USP24: variants seen among roughly 807,000 people sequenced by gnomAD.
USP24 encodes ubiquitin specific peptidase 24.
A neutral mutation model predicts 361.6 loss-of-function variants in USP24; 97 were observed. That is an observed-to-expected ratio of 0.27 (90% confidence interval 0.23 to 0.32). The LOEUF is 0.32. Ranked by LOEUF, USP24 falls within the 10% of genes least tolerant of loss-of-function variation. USP24 has a pLI of 1.00. For synonymous variants in USP24, 1,098 were observed against 1,124.6 expected (o/e 0.98, Z 0.47); for missense variants, 2,353 against 3,165.6 (o/e 0.74, Z 6.16).
chr1:55,159,683 G>A lies in USP24; in HGVS notation c.996C>T (p.Pro332=). 1 of 1,555,696 alleles carries A rather than the reference G, an allele frequency of 6.4e-7. No homozygotes were observed. Among genetic ancestry groups the A allele is most frequent in the Non-Finnish European group, 8.7e-7 (1 of 1,148,296 alleles). ...AEYLNSSVVQ[P]MLDPVILTTI... ...TAGTAAGAATGACTGGGTCTAGCAT[G>A]GGCTGTAGAAATAAAATGCTACAGT... Residue 332 remains proline (P), a splice_region_variant and synonymous_variant, in exon 9 of 68, where the codon CCC becomes CCT. Transcript: ENST00000294383.
Position 55,153,930 on chromosome 1 carries a change from T to C in USP24, c.1813-13A>G. 4 of 1,550,726 alleles carry C rather than the reference T, an allele frequency of 2.6e-6. No homozygotes were observed. Among genetic ancestry groups the C allele is most frequent in the Non-Finnish European group, 3.5e-6 (4 of 1,146,602 alleles). On this transcript the variant is annotated splice_polypyrimidine_tract_variant and intron_variant, in intron 15 of 67. Transcript: ENST00000294383. ...ACCATTCTCCAGGCTGAAAATTCATTTTAAGAGAAATATAAGTGACTTGGT... is the reference window on the plus strand; with the variant it reads ...ACCATTCTCCAGGCTGAAAATTCATCTTAAGAGAAATATAAGTGACTTGGT...
At chr1:55,095,757 G>C (rs1645483053) in intron 50 of USP24, among the ~76,000 whole-genome samples, 1 of 152,172 alleles carries the variant, frequency 6.6e-6, no homozygotes, top group Admixed American at 6.5e-5. Context: ...GGGATAACTG[G>C]CCTCACTTAA....
At chr1:55,121,531 G>T in intron 36 of USP24, 25 bp from the exon 37 acceptor site, 1 of 1,600,712 alleles carries the variant, frequency 6.2e-7, no homozygotes, top group Non-Finnish European at 8.5e-7. Context: ...TGGGGGATGT[G>T]GGTGTGTGAA....
intron 3 of USP24, among the ~76,000 whole-genome samples, chr1:55,175,589 A>G (rs1557671184): frequency 6.6e-6 from 1 of 152,174 alleles, no homozygotes; most frequent in Admixed American, 6.5e-5. Flanking sequence ...TTATTTACAT[A>G]TTGGACAAAA....
chr1:55,096,516 G>T lies in USP24; in HGVS notation c.6043C>A (p.Pro2015Thr). Residue 2015 changes from proline (P) to threonine (T), a missense_variant, in exon 50 of 68, where the codon CCA becomes ACA. Around this residue, in one of 8 missense-constraint regions of USP24, gnomAD observed 598 missense variants for 761.9 expected, o/e 0.78. Transcript: ENST00000294383. ...EYECFGGEYRPKVYDQTNPYT... is the reference protein window; with the variant it reads ...EYECFGGEYRTKVYDQTNPYT... ...TACTTACTTTGATCATAAACTTTTGGTCTATATTCTCCTCCAAAGCATTCA... is the reference window on the plus strand; with the variant it reads ...TACTTACTTTGATCATAAACTTTTGTTCTATATTCTCCTCCAAAGCATTCA... 1 of 1,597,060 alleles carries T rather than the reference G, an allele frequency of 6.3e-7. No individual in the cohort carries two copies. Among genetic ancestry groups the T allele is most frequent in the Non-Finnish European group, 8.5e-7 (1 of 1,172,874 alleles).
At chr1:55,117,742 C>CAA (rs58149121) in intron 38 of USP24, among the ~76,000 whole-genome samples, 2,902 of 66,288 alleles carry the variant, frequency 0.044, 460 homozygotes, top group African/African-American at 0.15. Flanking sequence ...GACTCCGTCT[C>CAA]AAAAAAAAAA....
chr1:55,197,229 CTTAT>C (rs1405668199), intron 1 of USP24, among the ~76,000 whole-genome samples: 1 of 152,126 alleles, frequency 6.6e-6, no homozygotes, highest in African/African-American at 2.4e-5. Flanking sequence ...AAAAGCAGCC[CTTAT>C]CATACCCCCT....
chr1:55,120,235 C>T (rs570029744), intron 38 of USP24, among the ~76,000 whole-genome samples: 14 of 152,276 alleles, frequency 9.2e-5, no homozygotes, highest in Middle Eastern at 3.4e-3. Flanking sequence ...CCTCTAGACA[C>T]GGAGCTACAA....
chr1:55,172,494 C>T lies in USP24; in HGVS notation c.585G>A (p.Lys195=). The T allele has an allele frequency of 3.7e-6, 6 of 1,613,178 alleles. No individual in the cohort carries two copies. Among genetic ancestry groups the T allele is most frequent in the Non-Finnish European group, 5.1e-6 (6 of 1,179,504 alleles). The part of the protein sequence containing the change: ...KKLLTSSAVH[K]WGTEIHEGIY... ...TTCCTTCATGAATTTCAGTACCCCA[C>T]TTGTGAACAGCACTTGATGTCAGGA... Residue 195 remains lysine (K), a synonymous_variant, in exon 4 of 68, where the codon AAG becomes AAA. Coordinates refer to ENST00000294383, the MANE Select transcript of USP24 (RefSeq NM_015306.3).
At chr1:55,214,761 C>A in intron 1 of USP24, 29 bp downstream of exon 1, 1 of 1,208,892 alleles carries the variant, frequency 8.3e-7, no homozygotes, top group Non-Finnish European at 1.0e-6. Context: ...AGTGGCTTCC[C>A]ACAGAGGTCT....
intron 55 of USP24, among the ~76,000 whole-genome samples, chr1:55,089,152 C>T (rs1009883512): frequency 1.3e-5 from 2 of 152,116 alleles, no homozygotes; most frequent in Non-Finnish European, 2.9e-5. Context: ...ATGGTCTGCC[C>T]GCCGTGGCCT....
intron 35 of USP24, 108 bp downstream of exon 35, chr1:55,124,361 C>A: frequency 1.5e-6 from 2 of 1,327,120 alleles, no homozygotes; most frequent in Non-Finnish European, 2.0e-6. Flanking sequence ...TGCTCACAAG[C>A]AAGAGAAGAG....
chr1:55,180,333 C>T (rs1165238), intron 1 of USP24, among the ~76,000 whole-genome samples: 113,149 of 151,998 alleles, frequency 0.74, 43,403 homozygotes, highest in East Asian at 0.96. Flanking sequence ...TTGGGACACC[C>T]CCTCCTGCAA....
Position 55,204,778 on chromosome 1 carries a change from C to T in USP24, c.324+10012G>A, listed in dbSNP as rs143451915. ...CAGTGCCTAGCACACAATAAATTCT[C>T]AATAAAAACTTACTGAATGGTTATT... On this transcript the variant is annotated intron_variant, in intron 1 of 67. Transcript: ENST00000294383. Among the ~76,000 whole-genome samples, 1,185 of 152,302 alleles carry T rather than the reference C, an allele frequency of 7.8e-3. 17 individuals are homozygous for T. Among genetic ancestry groups the T allele is most frequent in the African/African-American group, 0.026 (1,078 of 41,562 alleles).
chr1:55,177,930 CA>C (rs1320916930), intron 2 of USP24, 36 bp downstream of exon 2: 36 of 1,531,534 alleles, frequency 2.4e-5, no homozygotes, highest in Non-Finnish European at 3.0e-5. Context: ...TTCTATGAAA[CA>C]AATGTCCTCA....
At chr1:55,194,819 A>G (rs1362207104) in intron 1 of USP24, among the ~76,000 whole-genome samples, 5 of 152,098 alleles carry the variant, frequency 3.3e-5, no homozygotes, top group African/African-American at 1.2e-4. Flanking sequence ...CGTCCCAGCC[A>G]GTTGGTCACA....
chr1:55,071,564 G>A, intron 67 of USP24: 2 of 1,306,764 alleles, frequency 1.5e-6, no homozygotes, highest in Non-Finnish European at 2.0e-6. Context: ...ACTACCTGCA[G>A]GCTGATCAGG....
At chr1:55,212,231 T>C (rs2100963201) in intron 1 of USP24, among the ~76,000 whole-genome samples, 1 of 152,358 alleles carries the variant, frequency 6.6e-6, no homozygotes, top group East Asian at 1.9e-4. Context: ...TTCTACCCAT[T>C]ATTCGATTCT....
At chr1:55,182,477 G>A (rs1484330215) in intron 1 of USP24, among the ~76,000 whole-genome samples, 1 of 152,152 alleles carries the variant, frequency 6.6e-6, no homozygotes, top group Non-Finnish European at 1.5e-5. Flanking sequence ...TGAGGTGGGT[G>A]TAGTTCATTA....
Sources: allele counts gnomAD v4.1 joint callset (sites outside exome capture counted in the v4.1 genomes callset), GRCh38; gene constraint gnomAD v4.1.1; regional missense constraint gnomAD v4.1.1; transcripts MANE v1.5; gene names NCBI Gene and HGNC (gene_info 2026-07-23, HGNC 2026-07-21).